The following UNC45B variants were observed in gnomAD, a reference collection of about 807,000 sequenced individuals.
UNC45B encodes unc-45 myosin chaperone B, also known as protein unc-45 homolog B.
In UNC45B, 78 loss-of-function variants were observed where a neutral mutation model predicts 98.7. The observed-to-expected ratio is 0.79, with a 90% confidence interval of 0.66 to 0.95. The LOEUF is 0.95. Ranked by LOEUF, UNC45B falls within the 40% of genes least tolerant of loss-of-function variation. The pLI is 0.00. For synonymous variants in UNC45B, 462 were observed against 480.4 expected (o/e 0.96, Z 0.50); for missense variants, 1,225 against 1,184.9 (o/e 1.03, Z -0.50).
At chr17:35,175,713 G>T (rs1444070335) in intron 14 of UNC45B, among the ~76,000 whole-genome samples, 1 of 152,166 alleles carries the variant, frequency 6.6e-6, no homozygotes, top group Non-Finnish European at 1.5e-5. Flanking sequence ...CTGGGTGGTT[G>T]CATCCCTAAA....
intron 8 of UNC45B, 93 bp from the exon 9 acceptor site, chr17:35,163,902 A>C: frequency 2.9e-6 from 4 of 1,364,212 alleles, no homozygotes; most frequent in Non-Finnish European, 4.0e-6. Context: ...ACAGGGCTGG[A>C]GAGAAGCTGA....
intron 18 of UNC45B, among the ~76,000 whole-genome samples, chr17:35,181,931 G>T (rs1764836060): frequency 6.6e-6 from 1 of 152,064 alleles, no homozygotes. Flanking sequence ...GGGCGGGGAG[G>T]CTGAGAGGTT....
Position 35,181,250 on chromosome 17 carries a change from A to G in UNC45B, c.2373+574A>G, listed in dbSNP as rs184245597. ...GTAGGCTTCATGGTCCAGTCATGGG[A>G]CAAATGATACCCATCTGGTGAATGT... is the stretch of plus-strand genomic sequence containing the variant. On this transcript the variant is annotated intron_variant, in intron 18 of 19. Transcript: ENST00000394570. 1.4e-4 allele frequency among the ~76,000 whole-genome samples: 22 copies of G among 152,320 alleles called. No individual in the cohort carries two copies. The East Asian group carries it at 4.1e-3, about 28-fold the overall frequency.
chr17:35,171,279 G>C, intron 12 of UNC45B, 43 bp from the exon 13 acceptor site: 1 of 1,602,912 alleles, frequency 6.2e-7, no homozygotes, highest in Non-Finnish European at 8.5e-7. Flanking sequence ...TTGTCCTAAA[G>C]TTTCCTTTCT....
intron 13 of UNC45B, among the ~76,000 whole-genome samples, chr17:35,171,710 C>T (rs2092188346): frequency 6.6e-6 from 1 of 152,152 alleles, no homozygotes; most frequent in Non-Finnish European, 1.5e-5. Context: ...ACAAACAGAG[C>T]CATGATGGAC....
Position 35,185,315 on chromosome 17 carries a change from TA to T in UNC45B, c.2530-983del, listed in dbSNP as rs2092297205. On this transcript the variant is annotated intron_variant, in intron 19 of 19. Transcript: ENST00000394570. ...TTTTTTTTTAATTTATTTTTATTTT[TA>T]TTTTTTTTTGAGACACAGTCTTGCT... Among the ~76,000 whole-genome samples the T allele has an allele frequency of 7.0e-5, 8 of 115,026 alleles. No individual in the cohort carries two copies. The South Asian group carries it at 2.0e-3, about 28-fold the overall frequency. The allele number at this position is 115,026 out of a possible 152,430, so 75.5% of individuals were successfully genotyped here. A position where few individuals can be genotyped will look rare whatever the true frequency, so the allele number is the denominator to read the frequency against.
At chr17:35,167,400 A>G (rs940563790) in intron 9 of UNC45B, among the ~76,000 whole-genome samples, 1 of 152,208 alleles carries the variant, frequency 6.6e-6, no homozygotes, top group Non-Finnish European at 1.5e-5. Context: ...TGGAAAGATC[A>G]TCTGAGGCCA....
rs1326502008 is a variant in UNC45B at position 35,154,642 on chromosome 17, A to T, written c.540A>T (p.Gly180=). 1 of 1,613,438 alleles carries T rather than the reference A, an allele frequency of 6.2e-7. No homozygotes were observed. Among genetic ancestry groups the T allele is most frequent in the East Asian group, 2.2e-5 (1 of 44,880 alleles). The change falls in exon 6 of 20, where the codon GGA becomes GGT. Residue 180 remains glycine, a synonymous_variant. Transcript: ENST00000394570. The part of the protein sequence containing the change: ...AGAEKIFQNN[G]VALLLQLLDT... ...CTGAGAAGATCTTCCAGAACAATGG[A>T]GTAGCCTTGCTACTGCAGCTTCTGG...
chr17:35,171,896 C>A (rs2092189777), intron 13 of UNC45B, among the ~76,000 whole-genome samples: 1 of 152,166 alleles, frequency 6.6e-6, no homozygotes, highest in Non-Finnish European at 1.5e-5. Context: ...TCCCCTGGAA[C>A]CCTCTCCAAC....
chr17:35,186,131 G>T (rs1420680940), intron 19 of UNC45B, among the ~76,000 whole-genome samples, 168 bp from the exon 20 acceptor site: 1 of 152,156 alleles, frequency 6.6e-6, no homozygotes, highest in Non-Finnish European at 1.5e-5. Flanking sequence ...ACTGCTGCAA[G>T]AATTAACACA....
At chr17:35,185,626 T>C (rs1033775035) in intron 19 of UNC45B, among the ~76,000 whole-genome samples, 3 of 152,024 alleles carry the variant, frequency 2.0e-5, no homozygotes, top group Non-Finnish European at 4.4e-5. Context: ...TCTTAAATCA[T>C]CACGTACTTG....
chr17:35,174,663 A>G (rs1234686834), intron 14 of UNC45B, among the ~76,000 whole-genome samples: 2 of 152,036 alleles, frequency 1.3e-5, no homozygotes, highest in South Asian at 2.1e-4. Context: ...GTACAAAAAA[A>G]TTTTAAATTA....
rs368932507 is a variant in UNC45B, at chr17:35,171,304, C to T, written c.1690-18C>T. The T allele has an allele frequency of 1.2e-6, 2 of 1,612,316 alleles. No individual in the cohort carries two copies. Among genetic ancestry groups the T allele is most frequent in the African/African-American group, 1.3e-5 (1 of 74,854 alleles). On this transcript the variant is annotated intron_variant, in intron 12 of 19. Coordinates refer to ENST00000394570, the MANE Select transcript of UNC45B (RefSeq NM_001267052.2). Reference sequence around the variant, plus strand: ...GTTTCCTTTCTGCTTTCCCTCTCCCCAACCCTGTGCCTTCCAGACCAGTGA... The same window carrying T: ...GTTTCCTTTCTGCTTTCCCTCTCCCTAACCCTGTGCCTTCCAGACCAGTGA...
rs1229585931 is a variant in UNC45B at position 35,177,495 on chromosome 17, G to T, written c.2140G>T (p.Val714Leu). 6.4e-7 allele frequency: 1 copy of T among 1,557,396 alleles called. No individual in the cohort carries two copies. The highest frequency in any genetic ancestry group is 1.4e-5 in the African/African-American group (1 of 73,402). ...NPDIAFPGERVYEVVRPLVRL... is the reference protein window; with the variant it reads ...NPDIAFPGERLYEVVRPLVRL... ...CAAACCCTTGACCCCTCCCCAACAG[G>T]TGTATGAGGTGGTGCGGCCCCTTGT... The change falls in exon 17 of 20, where the codon GTG (valine) becomes TTG (leucine). Residue 714 changes from valine to leucine, a missense_variant and splice_region_variant. Val to Leu is a conservative substitution (Grantham distance 32). Transcript: ENST00000394570.
At chr17:35,153,172 G>A (rs150568895) in intron 5 of UNC45B, among the ~76,000 whole-genome samples, 190 bp downstream of exon 5, 4 of 152,336 alleles carry the variant, frequency 2.6e-5, no homozygotes, top group African/African-American at 7.2e-5. Flanking sequence ...ATCTAGTGAG[G>A]AGAGTCATGC....
chr17:35,184,648 AT>A (rs2092293087), intron 19 of UNC45B, among the ~76,000 whole-genome samples: 1 of 152,230 alleles, frequency 6.6e-6, no homozygotes, highest in Admixed American at 6.5e-5. Flanking sequence ...CATCATCCCT[AT>A]TTTACAAATG....
chr17:35,160,554 C>A (rs1281661701), intron 8 of UNC45B, among the ~76,000 whole-genome samples: 1 of 152,190 alleles, frequency 6.6e-6, no homozygotes, highest in Non-Finnish European at 1.5e-5. Flanking sequence ...CTTCCTACCC[C>A]TCAGCCTCCC....
chr17:35,150,022 C>A (rs1227274227), intron 3 of UNC45B, 26 bp from the exon 4 acceptor site: 1 of 1,565,674 alleles, frequency 6.4e-7, no homozygotes, highest in Admixed American at 1.8e-5. Flanking sequence ...TCCCTAAGGT[C>A]CTCATCCCCC....
At position 35,169,972 on chromosome 17, in the gene UNC45B, C is replaced by T. The variant is rs180790659; in HGVS notation, c.1547+41C>T. 7.8e-5 allele frequency: 125 copies of T among 1,612,236 alleles called. No homozygotes were observed. In the Admixed American group the frequency reaches 8.3e-4, roughly 11 times the overall value. ...TTCCCAGGCCCTCCATCTCCTCATGCGCCTTCCGGGCAAGAGTCTCTGGGG... is the reference window on the plus strand; with the variant it reads ...TTCCCAGGCCCTCCATCTCCTCATGTGCCTTCCGGGCAAGAGTCTCTGGGG... On this transcript the variant is annotated intron_variant, in intron 11 of 19. Coordinates refer to ENST00000394570, the MANE Select transcript of UNC45B (RefSeq NM_001267052.2).
Sources: gnomAD v4.1 joint callset for allele counts (sites outside exome capture counted in the v4.1 genomes callset) on GRCh38, gnomAD v4.1.1 for gene constraint, MANE v1.5 for transcripts, NCBI Gene and HGNC (gene_info 2026-07-23, HGNC 2026-07-21) for gene names.